The following NRBF2 variants were observed in gnomAD, a reference collection of about 807,000 sequenced individuals.
NRBF2 encodes nuclear receptor binding factor 2.
Under a neutral mutation model 28.5 loss-of-function variants are expected in NRBF2, and 12 were observed. The ratio of observed to expected loss-of-function variants is 0.42; its 90% CI spans 0.27 to 0.68. The LOEUF (loss-of-function observed/expected upper bound fraction) is 0.68. Ranked by LOEUF, NRBF2 falls within the 30% of genes least tolerant of loss-of-function variation. NRBF2 has a pLI of 0.24. For synonymous variants in NRBF2, 102 were observed against 116.5 expected, an observed-to-expected ratio of 0.88 and a Z score of 0.80; for missense variants, 274 against 333.5, an observed-to-expected ratio of 0.82 and a Z score of 1.39.
intron 1 of NRBF2, among the ~76,000 whole-genome samples, chr10:63,142,660 AT>A (rs1369708074): frequency 6.6e-6 from 1 of 151,806 alleles, no homozygotes; most frequent in Non-Finnish European, 1.5e-5. Context: ...TACCTGTATA[AT>A]TTGTGGGTAC....
At chr10:63,142,288 C>A (rs1236369008) in intron 1 of NRBF2, among the ~76,000 whole-genome samples, 1 of 150,906 alleles carries the variant, frequency 6.6e-6, no homozygotes, top group Non-Finnish European at 1.5e-5. Context: ...TGAATCAGAA[C>A]CTTTGTTTTT....
chr10:63,149,145 CAG>C (rs1271509079), intron 2 of NRBF2, among the ~76,000 whole-genome samples: 4 of 152,202 alleles, frequency 2.6e-5, no homozygotes, highest in Admixed American at 6.5e-5. Flanking sequence ...TTGTTTGAGA[CAG>C]AGTCTTGCTC....
At chr10:63,134,623 G>C (rs1304061593) in intron 1 of NRBF2, among the ~76,000 whole-genome samples, 2 of 152,158 alleles carry the variant, frequency 1.3e-5, no homozygotes, top group Non-Finnish European at 2.9e-5. Flanking sequence ...AGGATTAAAG[G>C]AGTAAATAGG....
At chr10:63,137,404 T>A (rs902332648) in intron 1 of NRBF2, among the ~76,000 whole-genome samples, 1 of 152,236 alleles carries the variant, frequency 6.6e-6, no homozygotes, top group Non-Finnish European at 1.5e-5. Flanking sequence ...TAATTTCTAG[T>A]TCTTTGGTTT....
chr10:63,146,159 T>C, intron 1 of NRBF2, 50 bp from the exon 2 acceptor site: 1 of 1,442,986 alleles, frequency 6.9e-7, no homozygotes, highest in Middle Eastern at 2.5e-4. Context: ...TTGAAAGAAA[T>C]CATGTTTTAT....
rs554358697 is a variant in NRBF2 at position 63,150,102 on chromosome 10, C to T, written c.116-2048C>T. Reference sequence around the variant, plus strand: ...GATTACAGGTGCCTGCCACCACGCCCAGCTAATTTTTGTATTTTTTTTTTT... The same window carrying T: ...GATTACAGGTGCCTGCCACCACGCCTAGCTAATTTTTGTATTTTTTTTTTT... On this transcript the variant is annotated intron_variant, in intron 2 of 3. Coordinates refer to ENST00000277746, the MANE Select transcript of NRBF2 (RefSeq NM_030759.5). 4.0e-5 allele frequency among the ~76,000 whole-genome samples: 6 copies of T among 151,046 alleles called. No individual in the cohort carries two copies. The South Asian group carries it at 6.3e-4, about 16-fold the overall frequency.
At chr10:63,147,326 T>A (rs1312477940) in intron 2 of NRBF2, among the ~76,000 whole-genome samples, 1 of 152,086 alleles carries the variant, frequency 6.6e-6, no homozygotes, top group East Asian at 1.9e-4. Flanking sequence ...TTAAAATTTT[T>A]TTTTTTTTTT....
In NRBF2 at chr10:63,146,451, C is replaced by G. The variant is rs575951910; in HGVS notation, c.115+158C>G. On this transcript the variant is annotated intron_variant, in intron 2 of 3. Transcript: ENST00000277746. ...AGTAAGTGTGTTGGATTTCCCAGCTCCTGCTAATCCAATCTTCTTTCTAAA... is the reference window on the plus strand; with the variant it reads ...AGTAAGTGTGTTGGATTTCCCAGCTGCTGCTAATCCAATCTTCTTTCTAAA... Among the ~76,000 whole-genome samples the G allele has an allele frequency of 1.6e-4, 24 of 152,320 alleles. 1 individual carries two copies. The highest frequency in any genetic ancestry group is 6.8e-3 in the Middle Eastern group (2 of 294).
rs754363659 is a variant in NRBF2 at position 63,133,440 on chromosome 10, C to A, written c.-31C>A. 6.2e-7 allele frequency: 1 copy of A among 1,611,484 alleles called. No individual in the cohort carries two copies. The highest frequency in any genetic ancestry group is 1.1e-5 in the South Asian group (1 of 90,854). On this transcript the variant is annotated 5_prime_UTR_variant, in exon 1 of 4. Transcript: ENST00000277746. ...CATGTTCCCCGGCGCCACTACTCCC[C>A]TTCCTAAGGCCGCCGCTTACCCCGG...
Position 63,133,605 on chromosome 10 carries a change from T to A in NRBF2, c.30+105T>A. ...AACCCTTTAGGCTGGGAGGTTGGTT[T>A]GGCAGGAGTGGTCGCAGAGGCTGTG... is the stretch of plus-strand genomic sequence containing the variant. On this transcript the variant is annotated intron_variant, in intron 1 of 3. Coordinates refer to ENST00000277746, the MANE Select transcript of NRBF2 (RefSeq NM_030759.5). 5 of 860,150 alleles carry A rather than the reference T, an allele frequency of 5.8e-6. No individual in the cohort carries two copies. The South Asian group carries it at 6.9e-5, about 12-fold the overall frequency. 53.3% of individuals were successfully genotyped at this position (860,150 alleles called of 1,614,324 possible). A position where few individuals can be genotyped will look rare whatever the true frequency, so the allele number is the denominator to read the frequency against.
intron 1 of NRBF2, among the ~76,000 whole-genome samples, chr10:63,139,201 G>T (rs1305539732): frequency 1.3e-5 from 2 of 152,044 alleles, no homozygotes; most frequent in African/African-American, 4.8e-5. Flanking sequence ...GCGTAGATGG[G>T]GTTTCTCCAC....
chr10:63,140,343 C>T (rs1014222457), intron 1 of NRBF2, among the ~76,000 whole-genome samples: 3 of 152,116 alleles, frequency 2.0e-5, no homozygotes, highest in Non-Finnish European at 4.4e-5. Flanking sequence ...ATATGGATTG[C>T]CTAGGAAGTA....
intron 1 of NRBF2, among the ~76,000 whole-genome samples, chr10:63,134,768 C>G (rs1481283606): frequency 6.6e-6 from 1 of 152,218 alleles, no homozygotes; most frequent in Non-Finnish European, 1.5e-5. Context: ...GCCTAAGATT[C>G]TCGGACCAAA....
At chr10:63,144,054 A>G (rs7070052) in intron 1 of NRBF2, among the ~76,000 whole-genome samples, 128,427 of 152,140 alleles carry the variant, frequency 0.84, 54,734 homozygotes, top group African/African-American at 0.91. Context: ...CACAGCACCC[A>G]GCCACTTTTT....
intron 3 of NRBF2, among the ~76,000 whole-genome samples, chr10:63,152,462 TC>T (rs1299051038): frequency 6.6e-6 from 1 of 152,234 alleles, no homozygotes; most frequent in Non-Finnish European, 1.5e-5. Flanking sequence ...AGAGCCCTCT[TC>T]GGACCATTCC....
intron 1 of NRBF2, among the ~76,000 whole-genome samples, chr10:63,138,638 G>A (rs948012075): frequency 6.6e-6 from 1 of 151,682 alleles, no homozygotes; most frequent in Non-Finnish European, 1.5e-5. Context: ...CAGGTACTCG[G>A]GAGGCTGAGG....
intron 1 of NRBF2, among the ~76,000 whole-genome samples, chr10:63,138,681 T>C (rs1841414581): frequency 6.6e-6 from 1 of 150,744 alleles, no homozygotes; most frequent in East Asian, 2.0e-4. Context: ...GAGGCAGAGC[T>C]TGCAGTGAGC....
At chr10:63,153,114 A>G (rs1365858066) in intron 3 of NRBF2, among the ~76,000 whole-genome samples, 1 of 152,224 alleles carries the variant, frequency 6.6e-6, no homozygotes, top group Non-Finnish European at 1.5e-5. Flanking sequence ...AAACTGAACC[A>G]AGGGAACTTT....
At chr10:63,150,467 G>C (rs931972) in intron 2 of NRBF2, 441,728 of 577,358 alleles carry the variant, frequency 0.77, 173,960 homozygotes, top group Non-Finnish European at 0.82. Flanking sequence ...ACCCAGTCTA[G>C]TCTTGAACTC....
Sources: allele counts gnomAD v4.1 joint callset (sites outside exome capture counted in the v4.1 genomes callset), GRCh38; gene constraint gnomAD v4.1.1; transcripts MANE v1.5; gene names NCBI Gene and HGNC (gene_info 2026-07-23, HGNC 2026-07-21).